The following MAP3K5 variants were observed in gnomAD, a reference collection of about 807,000 sequenced individuals.
The protein encoded by MAP3K5 is ASK-1.
MAP3K5 carries 56 observed loss-of-function variants against 158.7 expected under a neutral mutation model. The ratio of observed to expected loss-of-function variants is 0.35; its 90% confidence interval spans 0.28 to 0.44. The LOEUF (loss-of-function observed/expected upper bound fraction) is 0.44, where lower values mean the gene tolerates loss of function less well. Among genes scored for constraint, MAP3K5 ranks in the 20% least tolerant of loss-of-function variants. The pLI, the probability that MAP3K5 is intolerant of heterozygous loss-of-function variation, is 1.00. For missense variants in MAP3K5, 1,294 were observed against 1,674.8 expected (o/e 0.77, Z 3.97); for synonymous variants, 579 against 601.7 (o/e 0.96, Z 0.55).
At chr6:136,760,329 A>G (rs1783692468) in intron 1 of MAP3K5, among the ~76,000 whole-genome samples, 1 of 152,226 alleles carries the variant, frequency 6.6e-6, no homozygotes, top group Admixed American at 6.5e-5. Flanking sequence ...AGTAAATCCT[A>G]TCATAAATCT....
intron 19 of MAP3K5, among the ~76,000 whole-genome samples, chr6:136,604,049 G>A (rs553911101): frequency 1.3e-5 from 2 of 152,344 alleles, no homozygotes; most frequent in South Asian, 2.1e-4. Context: ...CAGGCCAAAC[G>A]CGTGGCTCAT....
At chr6:136,562,278 C>A (rs1360271390) in intron 27 of MAP3K5, among the ~76,000 whole-genome samples, 1 of 152,010 alleles carries the variant, frequency 6.6e-6, no homozygotes, top group Non-Finnish European at 1.5e-5. Flanking sequence ...AATACATAAT[C>A]TCAGGAAAAG....
intron 15 of MAP3K5, 103 bp from the exon 16 acceptor site, chr6:136,614,389 T>C (rs1436378709): frequency 1.5e-5 from 20 of 1,333,674 alleles, no homozygotes; most frequent in Non-Finnish European, 2.1e-5. Context: ...TATGTCCATA[T>C]GTAAAACCAA....
intron 19 of MAP3K5, 44 bp from the exon 20 acceptor site, chr6:136,602,023 C>T: frequency 1.3e-6 from 2 of 1,511,322 alleles, no homozygotes; most frequent in South Asian, 1.2e-5. Flanking sequence ...TCTGAGTGAA[C>T]ATCTCAGCAC....
intron 1 of MAP3K5, among the ~76,000 whole-genome samples, chr6:136,731,795 G>A (rs1442351838): frequency 1.3e-5 from 2 of 152,160 alleles, no homozygotes; most frequent in African/African-American, 4.8e-5. Flanking sequence ...ATTCTCCAAA[G>A]ACTGGCAAAG....
chr6:136,681,906 A>G lies in MAP3K5; in HGVS notation c.1253+12234T>C, dbSNP rs561046491. 6.9e-4 allele frequency among the ~76,000 whole-genome samples: 105 copies of G among 152,242 alleles called. 1 individual carries two copies. The highest frequency in any genetic ancestry group is 1.3e-3 in the African/African-American group (55 of 41,562). On this transcript the variant is annotated intron_variant, in intron 7 of 29. Coordinates refer to ENST00000359015, the MANE Select transcript of MAP3K5 (RefSeq NM_005923.4). ...TGCACTCCAGCCTGGGCAACAGAGCAAGACTCTGTTTTAAAAAAAAAAAAT... is the reference window on the plus strand; with the variant it reads ...TGCACTCCAGCCTGGGCAACAGAGCGAGACTCTGTTTTAAAAAAAAAAAAT...
intron 15 of MAP3K5, among the ~76,000 whole-genome samples, chr6:136,619,435 T>C (rs577046340): frequency 1.3e-5 from 2 of 152,302 alleles, no homozygotes; most frequent in Non-Finnish European, 2.9e-5. Context: ...ATAGATGTTA[T>C]TTCTTAGAGC....
chr6:136,708,266 A>G (rs1489840722), intron 2 of MAP3K5, among the ~76,000 whole-genome samples: 1 of 137,868 alleles, frequency 7.3e-6, no homozygotes, highest in Non-Finnish European at 1.6e-5. Context: ...ATTTTTTTTT[A>G]ATTTTTTGAG....
chr6:136,588,978 T>C (rs909601328), intron 23 of MAP3K5, among the ~76,000 whole-genome samples: 1 of 152,330 alleles, frequency 6.6e-6, no homozygotes. Context: ...GCTCTCCTTG[T>C]ACTGAGGCCC....
chr6:136,638,662 G>GC (rs1777766298), intron 13 of MAP3K5, among the ~76,000 whole-genome samples: 1 of 148,210 alleles, frequency 6.7e-6, no homozygotes, highest in Admixed American at 6.8e-5. Flanking sequence ...ATTTCCAAGT[G>GC]TTTTTTTTTC....
chr6:136,693,120 T>C (rs1191765763), intron 7 of MAP3K5, among the ~76,000 whole-genome samples: 2 of 152,224 alleles, frequency 1.3e-5, no homozygotes, highest in East Asian at 1.9e-4. Flanking sequence ...CTTTATTTTA[T>C]TTTTCCAAGC....
At chr6:136,654,432 TTTTTA>T (rs1451873889) in intron 10 of MAP3K5, among the ~76,000 whole-genome samples, 1 of 152,184 alleles carries the variant, frequency 6.6e-6, no homozygotes, top group African/African-American at 2.4e-5. Context: ...CTTCTTTTTA[TTTTTA>T]TTTTGTTTTA....
intron 1 of MAP3K5, among the ~76,000 whole-genome samples, chr6:136,728,602 T>C (rs188535832): frequency 5.8e-4 from 88 of 152,324 alleles, no homozygotes; most frequent in Middle Eastern, 3.4e-3. Flanking sequence ...TTATACCATG[T>C]AAAATGATGC....
chr6:136,581,734 T>G (rs1774887522), intron 24 of MAP3K5, among the ~76,000 whole-genome samples: 1 of 151,084 alleles, frequency 6.6e-6, no homozygotes, highest in South Asian at 2.1e-4. Flanking sequence ...TTCCCACTTG[T>G]TCTAGAAAAT....
intron 1 of MAP3K5, among the ~76,000 whole-genome samples, chr6:136,767,107 T>A (rs558725612): frequency 6.6e-6 from 1 of 152,336 alleles, no homozygotes; most frequent in Admixed American, 6.5e-5. Flanking sequence ...GACAAGTTTA[T>A]CTCTATAATA....
At chr6:136,584,657 G>C (rs964602816) in intron 23 of MAP3K5, 1 of 152,222 alleles carries the variant, frequency 6.6e-6, no homozygotes, top group South Asian at 2.1e-4. Flanking sequence ...AATTCAAGAT[G>C]AGATTTGAGT....
At chr6:136,667,180 C>T (rs1468448503) in intron 8 of MAP3K5, among the ~76,000 whole-genome samples, 1 of 151,702 alleles carries the variant, frequency 6.6e-6, no homozygotes, top group Non-Finnish European at 1.5e-5. Context: ...AAGAACAGAA[C>T]AATAAATATA....
At chr6:136,686,154 A>C (rs940182188) in intron 7 of MAP3K5, among the ~76,000 whole-genome samples, 22 of 152,246 alleles carry the variant, frequency 1.4e-4, no homozygotes, top group Non-Finnish European at 7.3e-5. Context: ...CTCTACAGTA[A>C]AAGTGGCATT....
At chr6:136,669,228 C>A in intron 8 of MAP3K5, 55 bp downstream of exon 8, 1 of 1,119,394 alleles carries the variant, frequency 8.9e-7, no homozygotes, top group Admixed American at 1.8e-5. Context: ...TTTTTCTTTG[C>A]ACCAAGTTGG....
Sources: gnomAD v4.1 joint callset for allele counts (sites outside exome capture counted in the v4.1 genomes callset) on GRCh38, gnomAD v4.1.1 for gene constraint, MANE v1.5 for transcripts, NCBI Gene and HGNC (gene_info 2026-07-23, HGNC 2026-07-21) for gene names.